Variants in RALYL observed in about 807,000 individuals in gnomAD.
RALYL encodes RALY RNA binding protein like.
RALYL carries 29 observed loss-of-function variants against 35.1 expected under a neutral mutation model. That is an observed-to-expected ratio of 0.83 (90% confidence interval 0.61 to 1.13). RALYL has a LOEUF of 1.13. RALYL is among the 50% of genes most tolerant of loss of function. RALYL has a pLI of 0.00. For missense variants in RALYL, 359 were observed against 360.4 expected (o/e 1.00, Z 0.03); for synonymous variants, 120 against 127.6 (o/e 0.94, Z 0.40).
chr8:84,662,575 G>T (rs1831138320), intron 2 of RALYL, among the ~76,000 whole-genome samples: 1 of 152,026 alleles, frequency 6.6e-6, no homozygotes, highest in Admixed American at 6.6e-5. Context: ...TTGGAAAGTA[G>T]GTGAAACAAG....
chr8:84,282,936 C>T (rs2132106645), intron 1 of RALYL, among the ~76,000 whole-genome samples: 1 of 151,924 alleles, frequency 6.6e-6, no homozygotes, highest in South Asian at 2.1e-4. Context: ...GGTTGGAATA[C>T]AAGTAGGACA....
chr8:84,504,494 A>G lies in RALYL; in HGVS notation c.-23-24805A>G, dbSNP rs75796084. Among the ~76,000 whole-genome samples, 54 of 152,324 alleles carry G rather than the reference A, an allele frequency of 3.5e-4. No individual in the cohort carries two copies. The East Asian group carries it at 0.01, about 29-fold the overall frequency. On this transcript the variant is annotated intron_variant, in intron 1 of 8. Coordinates refer to ENST00000521268, the MANE Select transcript of RALYL (RefSeq NM_173848.7). ...TTGATAATTTTTGTACATAAATAAA[A>G]GGCCAACATATTAATATACATGTCA... is the stretch of plus-strand genomic sequence containing the variant.
At chr8:84,753,634 C>A (rs541932346) in intron 2 of RALYL, among the ~76,000 whole-genome samples, 3 of 152,208 alleles carry the variant, frequency 2.0e-5, no homozygotes, top group African/African-American at 7.2e-5. Context: ...CTCATGAGAT[C>A]TGATTGTTTA....
intron 2 of RALYL, among the ~76,000 whole-genome samples, chr8:84,536,457 C>G (rs191147209): frequency 7.7e-4 from 117 of 152,342 alleles, no homozygotes; most frequent in African/African-American, 2.6e-3. Context: ...TATTATTCTT[C>G]TGCATATGCC....
chr8:84,543,015 C>A (rs1468215335), intron 2 of RALYL, among the ~76,000 whole-genome samples: 2 of 152,044 alleles, frequency 1.3e-5, no homozygotes. Context: ...AATCATTTGT[C>A]CTATATAATT....
At chr8:84,288,192 G>GT (rs939696432) in intron 1 of RALYL, among the ~76,000 whole-genome samples, 26 of 151,204 alleles carry the variant, frequency 1.7e-4, no homozygotes, top group African/African-American at 5.6e-4. Context: ...TTTTTGTTTT[G>GT]TTTTTTTTCT....
intron 2 of RALYL, among the ~76,000 whole-genome samples, chr8:84,565,102 C>T (rs992973085): frequency 6.6e-6 from 1 of 151,592 alleles, no homozygotes; most frequent in East Asian, 1.9e-4. Flanking sequence ...TTTGTTTTAT[C>T]CACCTTCTGG....
chr8:84,271,572 G>T (rs1043389102), intron 1 of RALYL, among the ~76,000 whole-genome samples: 3 of 151,352 alleles, frequency 2.0e-5, no homozygotes, highest in African/African-American at 7.3e-5. Flanking sequence ...GCATCTTATA[G>T]GTAAATTGAA....
chr8:84,669,142 C>G (rs1408138289), intron 2 of RALYL, among the ~76,000 whole-genome samples: 1 of 152,138 alleles, frequency 6.6e-6, no homozygotes, highest in Non-Finnish European at 1.5e-5. Context: ...GATTCACAGC[C>G]ACAACTTTCA....
At chr8:84,415,212 T>C in intron 1 of RALYL, among the ~76,000 whole-genome samples, 1 of 151,252 alleles carries the variant, frequency 6.6e-6, no homozygotes. Flanking sequence ...CTCGTTTTTT[T>C]TTTTTTGTTT....
intron 3 of RALYL, among the ~76,000 whole-genome samples, chr8:84,785,606 TAAGG>T (rs1819254142): frequency 6.6e-6 from 1 of 152,166 alleles, no homozygotes. Flanking sequence ...GAAGTATATC[TAAGG>T]AGATAATTTT....
At chr8:84,614,093 T>C (rs914683894) in intron 2 of RALYL, among the ~76,000 whole-genome samples, 4 of 151,522 alleles carry the variant, frequency 2.6e-5, no homozygotes, top group Non-Finnish European at 4.4e-5. Context: ...ATAGTACCTA[T>C]GACACTGAAT....
intron 1 of RALYL, among the ~76,000 whole-genome samples, chr8:84,190,929 A>G (rs550180855): frequency 6.6e-6 from 1 of 152,036 alleles, no homozygotes; most frequent in South Asian, 2.1e-4. Context: ...TAGAGTTAGG[A>G]TGATAGCCAC....
chr8:84,368,163 T>G (rs1296862659), intron 1 of RALYL, among the ~76,000 whole-genome samples: 1 of 152,106 alleles, frequency 6.6e-6, no homozygotes, highest in Non-Finnish European at 1.5e-5. Context: ...ACGAAATAAG[T>G]CAAATATATA....
At chr8:84,802,991 A>T (rs980861162) in intron 3 of RALYL, among the ~76,000 whole-genome samples, 2 of 152,196 alleles carry the variant, frequency 1.3e-5, no homozygotes, top group African/African-American at 2.4e-5. Context: ...GGAGAAAGAT[A>T]TAAAACCTTT....
At chr8:84,704,484 A>ACAC (rs1840823028) in intron 2 of RALYL, among the ~76,000 whole-genome samples, 1 of 129,544 alleles carries the variant, frequency 7.7e-6, no homozygotes, top group Admixed American at 7.7e-5. Context: ...CACACACACA[A>ACAC]CAACTCATTT....
At chr8:84,694,026 A>T (rs1838629558) in intron 2 of RALYL, among the ~76,000 whole-genome samples, 1 of 151,924 alleles carries the variant, frequency 6.6e-6, no homozygotes, top group South Asian at 2.1e-4. Context: ...CCAATGGTGG[A>T]AAGTTGAAAG....
intron 2 of RALYL, among the ~76,000 whole-genome samples, chr8:84,678,306 C>T (rs529574245): frequency 6.6e-6 from 1 of 152,148 alleles, no homozygotes; most frequent in East Asian, 1.9e-4. Flanking sequence ...CTTTGTCACC[C>T]AAGCTGGAGT....
At chr8:84,578,589 T>A (rs961743480) in intron 2 of RALYL, among the ~76,000 whole-genome samples, 3 of 152,278 alleles carry the variant, frequency 2.0e-5, no homozygotes, top group African/African-American at 7.2e-5. Flanking sequence ...AGTGGGTAGC[T>A]CATTTTCACT....
Sources: allele counts gnomAD v4.1 joint callset (sites outside exome capture counted in the v4.1 genomes callset), GRCh38; gene constraint gnomAD v4.1.1; transcripts MANE v1.5; gene names NCBI Gene and HGNC (gene_info 2026-07-23, HGNC 2026-07-21).